The following RNF13 variants were observed in gnomAD, a reference collection of about 807,000 sequenced individuals.
RNF13 encodes E3 ubiquitin-protein ligase RNF13.
In RNF13, 19 loss-of-function variants were observed where a neutral mutation model predicts 37.7. The ratio of observed to expected loss-of-function variants is 0.50; its 90% CI spans 0.35 to 0.74. RNF13 has a LOEUF of 0.74. Among genes scored for constraint, RNF13 ranks in the 30% least tolerant of loss-of-function variants. RNF13 has a pLI of 0.01. For missense variants in RNF13, 375 were observed against 453.0 expected (o/e 0.83, Z 1.56); for synonymous variants, 144 against 157.8 (o/e 0.91, Z 0.65).
chr3:149,836,404 C>T (rs937630695), intron 1 of RNF13, among the ~76,000 whole-genome samples: 2 of 151,968 alleles, frequency 1.3e-5, no homozygotes, highest in Admixed American at 1.3e-4. Context: ...TGAGATACCA[C>T]TTTACATGTA....
At chr3:149,918,681 G>T (rs981072349) in intron 7 of RNF13, among the ~76,000 whole-genome samples, 2 of 149,438 alleles carry the variant, frequency 1.3e-5, no homozygotes, top group African/African-American at 2.5e-5. Flanking sequence ...ACATCACCAT[G>T]CCCAGCTAAT....
intron 4 of RNF13, among the ~76,000 whole-genome samples, chr3:149,880,933 T>G (rs1472369288): frequency 6.6e-6 from 1 of 152,228 alleles, no homozygotes; most frequent in Non-Finnish European, 1.5e-5. Flanking sequence ...AAGAAGTTTA[T>G]TTTTACTTGT....
At chr3:149,821,378 A>C (rs73155069) in intron 1 of RNF13, among the ~76,000 whole-genome samples, 13,965 of 152,168 alleles carry the variant, frequency 0.092, 749 homozygotes, top group African/African-American at 0.14. Context: ...ATGAAGTGGT[A>C]TCTCACTGTG....
intron 2 of RNF13, among the ~76,000 whole-genome samples, chr3:149,848,338 GGTCTCTATGCT>G (rs1468764811): frequency 6.6e-6 from 1 of 152,160 alleles, no homozygotes; most frequent in Non-Finnish European, 1.5e-5. Flanking sequence ...GCTTAAATCT[GGTCTCTATGCT>G]GTCCATAAGG....
chr3:149,847,525 A>G (rs561499171), intron 2 of RNF13, among the ~76,000 whole-genome samples: 107 of 152,222 alleles, frequency 7.0e-4, no homozygotes, highest in South Asian at 6.0e-3. Flanking sequence ...TTTTGAAGGC[A>G]GAGGATGCTA....
intron 2 of RNF13, among the ~76,000 whole-genome samples, chr3:149,849,713 T>G (rs73870447): frequency 6.6e-6 from 1 of 152,194 alleles, no homozygotes; most frequent in Non-Finnish European, 1.5e-5. Flanking sequence ...ATGAGGATGA[T>G]AGTAATAGTG....
At chr3:149,941,541 T>G (rs4681559) in intron 8 of RNF13, among the ~76,000 whole-genome samples, 126,189 of 147,044 alleles carry the variant, frequency 0.86, 54,176 homozygotes, top group East Asian at 0.91. Flanking sequence ...TTTTTTTTTT[T>G]TTTTTTTTTT....
At chr3:149,948,286 G>A (rs1386483899) in intron 8 of RNF13, among the ~76,000 whole-genome samples, 1 of 152,044 alleles carries the variant, frequency 6.6e-6, no homozygotes, top group African/African-American at 2.4e-5. Flanking sequence ...TTTCTTGTAA[G>A]CACTTTATTG....
intron 4 of RNF13, among the ~76,000 whole-genome samples, chr3:149,883,540 C>CTTATAATAA (rs1169565687): frequency 6.6e-6 from 1 of 151,854 alleles, no homozygotes; most frequent in Non-Finnish European, 1.5e-5. Flanking sequence ...TAAATGTATT[C>CTTATAATAA]TTATAATAAT....
intron 4 of RNF13, chr3:149,895,179 C>G (rs1468713751): frequency 4.1e-6 from 1 of 243,022 alleles, no homozygotes; most frequent in Non-Finnish European, 7.8e-6. Flanking sequence ...TTGTCATTCT[C>G]ATTTCAGAGG....
At chr3:149,876,428 A>G (rs761372134) in intron 4 of RNF13, among the ~76,000 whole-genome samples, 1 of 152,122 alleles carries the variant, frequency 6.6e-6, no homozygotes, top group Non-Finnish European at 1.5e-5. Flanking sequence ...ATGATAAGGA[A>G]TATGTTGGGT....
At chr3:149,814,595 A>G (rs936371271) in intron 1 of RNF13, among the ~76,000 whole-genome samples, 5 of 152,242 alleles carry the variant, frequency 3.3e-5, no homozygotes, top group Non-Finnish European at 4.4e-5. Flanking sequence ...ACCAGAGGAC[A>G]TTGTATGGAA....
At chr3:149,930,374 A>G (rs1322688733) in intron 8 of RNF13, among the ~76,000 whole-genome samples, 1 of 152,134 alleles carries the variant, frequency 6.6e-6, no homozygotes, top group Non-Finnish European at 1.5e-5. Flanking sequence ...AATTGCTGAG[A>G]TTTTGATTGG....
chr3:149,879,164 A>G (rs867590595), intron 4 of RNF13, among the ~76,000 whole-genome samples: 1 of 152,286 alleles, frequency 6.6e-6, no homozygotes. Context: ...AAGACACAGT[A>G]AAAGTATCTA....
At chr3:149,911,211 A>G (rs929938072) in intron 6 of RNF13, among the ~76,000 whole-genome samples, 3 of 152,210 alleles carry the variant, frequency 2.0e-5, no homozygotes, top group South Asian at 2.1e-4. Context: ...AGGAAACAGT[A>G]TAATTTTTAT....
intron 1 of RNF13, among the ~76,000 whole-genome samples, chr3:149,841,746 A>G (rs748168699): frequency 2.0e-5 from 3 of 151,972 alleles, no homozygotes; most frequent in Admixed American, 2.0e-4. Flanking sequence ...CAGCCTCCTG[A>G]GTAGCTGGGA....
chr3:149,849,496 C>T (rs1722941389), intron 2 of RNF13, among the ~76,000 whole-genome samples: 1 of 152,166 alleles, frequency 6.6e-6, no homozygotes, highest in African/African-American at 2.4e-5. Context: ...AAATCCAGCT[C>T]TACCACTCTA....
rs1722387082 is a variant in RNF13 at position 149,961,254 on chromosome 3, C to T, written c.*150C>T. 7.0e-6 allele frequency: 5 copies of T among 714,184 alleles called. No individual in the cohort carries two copies. In the East Asian group the frequency reaches 1.3e-4, roughly 19 times the overall value. The allele number at this position is 714,184 out of a possible 1,614,324, so 44.2% of individuals were successfully genotyped here. A position where few individuals can be genotyped will look rare whatever the true frequency, so the allele number is the denominator to read the frequency against. On this transcript the variant is annotated 3_prime_UTR_variant, in exon 10 of 10. Transcript: ENST00000392894. ...AAATTACTGAAACAGGACTTTTGAT[C>T]TGGTATTTATCTGCCAAGAATATAC...
chr3:149,899,104 A>G (rs1715558233), intron 5 of RNF13, among the ~76,000 whole-genome samples: 1 of 152,190 alleles, frequency 6.6e-6, no homozygotes, highest in Admixed American at 6.5e-5. Context: ...CCAGGGGTCA[A>G]ATATGATGGG....
Sources: gnomAD v4.1 joint callset for allele counts (sites outside exome capture counted in the v4.1 genomes callset) on GRCh38, gnomAD v4.1.1 for gene constraint, MANE v1.5 for transcripts, NCBI Gene and HGNC (gene_info 2026-07-23, HGNC 2026-07-21) for gene names.